Variants in ZC3H3 observed in about 807,000 individuals in gnomAD.
ZC3H3 encodes zinc finger CCCH domain-containing protein 3.
ZC3H3 carries 36 observed loss-of-function variants against 77.3 expected under a neutral mutation model. The ratio of observed to expected loss-of-function variants is 0.47; its 90% CI spans 0.36 to 0.61. ZC3H3 has a LOEUF of 0.61. ZC3H3 is among the 20% of genes least tolerant of loss of function. The pLI is 0.00. For missense variants in ZC3H3, 1,331 were observed against 1,312.2 expected, an observed-to-expected ratio of 1.01 and a Z score of -0.22; for synonymous variants, 626 against 555.2, an observed-to-expected ratio of 1.13 and a Z score of -1.79.
chr8:143,521,173 C>A (rs1233522726), intron 3 of ZC3H3, among the ~76,000 whole-genome samples: 1 of 152,168 alleles, frequency 6.6e-6, no homozygotes, highest in Non-Finnish European at 1.5e-5. Context: ...TGGCTCCTCC[C>A]AAGAGGCCTT....
chr8:143,498,966 G>T, intron 4 of ZC3H3, among the ~76,000 whole-genome samples: 1 of 151,420 alleles, frequency 6.6e-6, no homozygotes, highest in East Asian at 2.0e-4. Context: ...CGGGGAAGAG[G>T]GGCACAGGGC....
intron 3 of ZC3H3, among the ~76,000 whole-genome samples, chr8:143,518,553 C>T (rs1822137478): frequency 6.6e-6 from 1 of 152,280 alleles, no homozygotes; most frequent in Non-Finnish European, 1.5e-5. Flanking sequence ...ATGCCGCTCT[C>T]CTCTGGGCCA....
intron 9 of ZC3H3, among the ~76,000 whole-genome samples, chr8:143,443,467 C>T (rs1260164523): frequency 1.3e-5 from 2 of 152,194 alleles, no homozygotes; most frequent in East Asian, 1.9e-4. Flanking sequence ...AAACAAAACC[C>T]CCAGAAAACT....
chr8:143,490,731 A>G (rs1382036273), intron 4 of ZC3H3, among the ~76,000 whole-genome samples: 1 of 152,198 alleles, frequency 6.6e-6, no homozygotes, highest in African/African-American at 2.4e-5. Context: ...CCTGGCCAAC[A>G]TGGTGAAACC....
At chr8:143,505,639 C>T (rs1460843760) in intron 4 of ZC3H3, among the ~76,000 whole-genome samples, 1 of 152,180 alleles carries the variant, frequency 6.6e-6, no homozygotes, top group Non-Finnish European at 1.5e-5. Context: ...AGGAGTGGAA[C>T]AGGACTGGGG....
chr8:143,516,804 G>A lies in ZC3H3; in HGVS notation c.1562-8905C>T, dbSNP rs201328155. Among the ~76,000 whole-genome samples the A allele has an allele frequency of 2.3e-3, 348 of 152,338 alleles. 1 individual carries two copies. The highest frequency in any genetic ancestry group is 8.1e-3 in the African/African-American group (337 of 41,574). On this transcript the variant is annotated intron_variant, in intron 3 of 11. Coordinates refer to ENST00000262577, the MANE Select transcript of ZC3H3 (RefSeq NM_015117.3). The stretch of plus-strand genomic sequence containing the variant: ...CCTCGCGTCCCTGGGACGCAGCCCC[G>A]TGGGATCCGGGGATTCATCTTTGAC...
chr8:143,514,583 G>A (rs1030745000), intron 3 of ZC3H3, among the ~76,000 whole-genome samples: 6 of 152,198 alleles, frequency 3.9e-5, no homozygotes, highest in Non-Finnish European at 5.9e-5. Context: ...TGTGGCTCTC[G>A]CCCCTAGCAG....
At chr8:143,539,364 G>T in intron 1 of ZC3H3, 44 bp from the exon 2 acceptor site, 1 of 1,530,008 alleles carries the variant, frequency 6.5e-7, no homozygotes. Context: ...GAGGGTAACC[G>T]CGATAATCAT....
chr8:143,468,090 G>A (rs1820461584), intron 8 of ZC3H3, 119 bp downstream of exon 8: 1 of 1,253,258 alleles, frequency 8.0e-7, no homozygotes, highest in East Asian at 2.3e-5. Context: ...AGGACGCCAG[G>A]GCAGGGATCT....
intron 4 of ZC3H3, among the ~76,000 whole-genome samples, chr8:143,498,658 C>T (rs932678518): frequency 7.3e-5 from 11 of 151,626 alleles, no homozygotes; most frequent in African/African-American, 2.7e-4. Context: ...CTGGCCCCCA[C>T]ACTGCTGTGT....
intron 1 of ZC3H3, among the ~76,000 whole-genome samples, chr8:143,540,355 T>C (rs1237463758): frequency 6.6e-6 from 1 of 152,100 alleles, no homozygotes; most frequent in African/African-American, 2.4e-5. Context: ...CACCTCTGAG[T>C]AGCTGGGACT....
At chr8:143,475,867 G>A (rs529941431) in intron 4 of ZC3H3, among the ~76,000 whole-genome samples, 1 of 152,144 alleles carries the variant, frequency 6.6e-6, no homozygotes, top group Admixed American at 6.5e-5. Context: ...CCCCACCCAC[G>A]AGGCTGGGAA....
intron 4 of ZC3H3, among the ~76,000 whole-genome samples, chr8:143,486,066 C>T (rs1821044096): frequency 6.6e-6 from 1 of 152,228 alleles, no homozygotes; most frequent in Non-Finnish European, 1.5e-5. Flanking sequence ...TCCACACAAA[C>T]GAGGGCTACC....
At chr8:143,501,612 G>A (rs1272973625) in intron 4 of ZC3H3, among the ~76,000 whole-genome samples, 1 of 151,958 alleles carries the variant, frequency 6.6e-6, no homozygotes, top group Non-Finnish European at 1.5e-5. Flanking sequence ...TTCATCCCAA[G>A]TTCCTCTGAT....
At position 143,475,598 on chromosome 8, in the gene ZC3H3, G is replaced by A; in HGVS notation, c.1716-13C>T. Reference sequence around the variant, plus strand: ...CAGCACCAGGGACCTGCAGAGACAGGAAATGCCCGTCAAACCTGGCCCCAG... The same window carrying A: ...CAGCACCAGGGACCTGCAGAGACAGAAAATGCCCGTCAAACCTGGCCCCAG... On this transcript the variant is annotated splice_polypyrimidine_tract_variant and intron_variant, in intron 4 of 11. Coordinates refer to ENST00000262577, the MANE Select transcript of ZC3H3 (RefSeq NM_015117.3). 6.3e-7 allele frequency: 1 copy of A among 1,576,868 alleles called. No individual in the cohort carries two copies. Among genetic ancestry groups the A allele is most frequent in the Non-Finnish European group, 8.6e-7 (1 of 1,161,370 alleles).
chr8:143,475,564 C>T lies in ZC3H3; in HGVS notation c.1737G>A (p.Leu579=), dbSNP rs952371841. Residue 579 remains leucine, a synonymous_variant, in exon 5 of 12, where the codon CTG becomes CTA. Transcript: ENST00000262577. ...TCCCACCCCCGCTGGCAACTGGACG[C>T]AGGCGGTTCAGCACCAGGGACCTGC... ...SLSRSLVLNR[L]RPVASGGGKA... The T allele has an allele frequency of 3.7e-6, 6 of 1,603,736 alleles. No homozygotes were observed. The highest frequency in any genetic ancestry group is 5.1e-6 in the Non-Finnish European group (6 of 1,175,682).
intron 5 of ZC3H3, 123 bp downstream of exon 5, chr8:143,475,273 CAG>C (rs1163895250): frequency 8.2e-7 from 1 of 1,217,700 alleles, no homozygotes. Flanking sequence ...CTCCCCAAGA[CAG>C]GGGCGTGAGC....
At chr8:143,488,984 G>A (rs60055255) in intron 4 of ZC3H3, among the ~76,000 whole-genome samples, 2,796 of 152,336 alleles carry the variant, frequency 0.018, 79 homozygotes, top group African/African-American at 0.063. Context: ...TGACGCTGAC[G>A]AGGCCCGGAA....
chr8:143,438,654 C>T (rs1488110248), intron 11 of ZC3H3, among the ~76,000 whole-genome samples: 2 of 152,146 alleles, frequency 1.3e-5, no homozygotes, highest in Admixed American at 6.5e-5. Context: ...GGGCTCCTGC[C>T]CCATGAATGT....
Sources: gnomAD v4.1 joint callset for allele counts (sites outside exome capture counted in the v4.1 genomes callset) on GRCh38, gnomAD v4.1.1 for gene constraint, MANE v1.5 for transcripts, NCBI Gene and HGNC (gene_info 2026-07-23, HGNC 2026-07-21) for gene names.